The following CA10 variants were observed in gnomAD, a reference collection of about 807,000 sequenced individuals.
CA10 encodes carbonic anhydrase 10 (inactive).
CA10 carries 14 observed loss-of-function variants against 44.2 expected under a neutral mutation model. That is an observed-to-expected ratio of 0.32 (90% CI 0.21 to 0.50). The LOEUF (loss-of-function observed/expected upper bound fraction) is 0.50, where lower values mean the gene tolerates loss of function less well. CA10 is among the 20% of genes least tolerant of loss of function. The probability of loss-of-function intolerance (pLI) is 0.99; values close to 1 mark genes in which losing one functional copy is unlikely to be tolerated. For synonymous variants in CA10, 159 were observed against 141.6 expected (o/e 1.12, Z -0.87); for missense variants, 350 against 409.7 (o/e 0.85, Z 1.26).
At chr17:51,951,881 T>C (rs989011971) in intron 2 of CA10, among the ~76,000 whole-genome samples, 1 of 152,152 alleles carries the variant, frequency 6.6e-6, no homozygotes, top group African/African-American at 2.4e-5. Context: ...GGAGGAAACA[T>C]TCTGTACACA....
intron 3 of CA10, among the ~76,000 whole-genome samples, chr17:51,822,370 C>T (rs1907841582): frequency 6.6e-6 from 1 of 152,042 alleles, no homozygotes; most frequent in South Asian, 2.1e-4. Context: ...GAGCCAGGAT[C>T]CACCACTGCA....
rs529798070 is a variant in CA10 at position 51,759,709 on chromosome 17, C to T, written c.280-11891G>A. Among the ~76,000 whole-genome samples, 6 of 152,122 alleles carry T rather than the reference C, an allele frequency of 3.9e-5. No individual in the cohort carries two copies. The East Asian group carries it at 1.2e-3, about 29-fold the overall frequency. ...GAGGTGGGACTCAGGAATCTGATGT[C>T]TTCCTCTCCTGAGCTTCCTTTGATG... On this transcript the variant is annotated intron_variant, in intron 3 of 8. Coordinates refer to ENST00000451037, the MANE Select transcript of CA10 (RefSeq NM_020178.5).
intron 2 of CA10, among the ~76,000 whole-genome samples, chr17:51,956,184 G>A (rs999698376): frequency 4.6e-5 from 7 of 151,610 alleles, no homozygotes; most frequent in Non-Finnish European, 7.4e-5. Flanking sequence ...TTTTTTTAAA[G>A]ATATAAAACA....
At chr17:51,913,121 CCGTGCACAGGG>C (rs1981854959) in intron 3 of CA10, among the ~76,000 whole-genome samples, 1 of 152,096 alleles carries the variant, frequency 6.6e-6, no homozygotes, top group South Asian at 2.1e-4. Flanking sequence ...AATTTCTTTC[CCGTGCACAGGG>C]AGTTAAGTCG....
At chr17:51,724,048 G>C (rs1270848140) in intron 4 of CA10, among the ~76,000 whole-genome samples, 3 of 152,138 alleles carry the variant, frequency 2.0e-5, no homozygotes, top group Non-Finnish European at 4.4e-5. Context: ...GGAGGATGAG[G>C]GGGGACTGGA....
chr17:51,654,383 A>G (rs1415841243), intron 4 of CA10, among the ~76,000 whole-genome samples: 1 of 152,212 alleles, frequency 6.6e-6, no homozygotes, highest in Non-Finnish European at 1.5e-5. Context: ...GTGTATAAAC[A>G]TACATATATG....
intron 2 of CA10, among the ~76,000 whole-genome samples, chr17:51,969,870 C>A (rs769724485): frequency 1.1e-4 from 16 of 151,956 alleles, no homozygotes; most frequent in Non-Finnish European, 2.4e-4. Context: ...AAAAATTATG[C>A]TCTGAGAAAC....
chr17:51,717,181 C>T (rs1272221921), intron 4 of CA10, among the ~76,000 whole-genome samples: 1 of 151,964 alleles, frequency 6.6e-6, no homozygotes, highest in Non-Finnish European at 1.5e-5. Context: ...CTCCGAATAC[C>T]CCTGTAGACA....
intron 5 of CA10, among the ~76,000 whole-genome samples, chr17:51,650,344 T>C (rs148017873): frequency 7.5e-4 from 114 of 152,342 alleles, no homozygotes; most frequent in African/African-American, 2.3e-3. Flanking sequence ...CACATCAACA[T>C]TTTAAATCTG....
intron 3 of CA10, among the ~76,000 whole-genome samples, chr17:51,928,026 A>G (rs564713024): frequency 1.3e-5 from 2 of 152,280 alleles, no homozygotes; most frequent in Admixed American, 6.5e-5. Context: ...CCATTTGTAA[A>G]AATACAATTA....
chr17:52,135,593 C>T (rs1989339469), intron 1 of CA10, among the ~76,000 whole-genome samples: 1 of 152,138 alleles, frequency 6.6e-6, no homozygotes, highest in South Asian at 2.1e-4. Context: ...TTCCCTTTAC[C>T]TCTCCCTTGA....
At chr17:51,912,700 T>G (rs1409974777) in intron 3 of CA10, among the ~76,000 whole-genome samples, 1 of 152,180 alleles carries the variant, frequency 6.6e-6, no homozygotes, top group Non-Finnish European at 1.5e-5. Context: ...AATATTTTCA[T>G]CCATTATAAG....
At chr17:51,644,890 C>T (rs1913255793) in intron 6 of CA10, among the ~76,000 whole-genome samples, 1 of 151,520 alleles carries the variant, frequency 6.6e-6, no homozygotes, top group African/African-American at 2.4e-5. Context: ...CCTCCGCCTC[C>T]CGGGTTCAAG....
chr17:51,958,519 T>C (rs1228898448), intron 2 of CA10, among the ~76,000 whole-genome samples: 2 of 152,282 alleles, frequency 1.3e-5, no homozygotes, highest in African/African-American at 4.8e-5. Flanking sequence ...GAAGGGAAAC[T>C]TAAAGGCAAG....
chr17:51,887,501 A>G (rs1403927078), intron 3 of CA10, among the ~76,000 whole-genome samples: 1 of 152,234 alleles, frequency 6.6e-6, no homozygotes. Context: ...TTATGGGAAC[A>G]GCAAAGTCTT....
chr17:52,134,850 G>C (rs1057171217), intron 1 of CA10: 1 of 518,752 alleles, frequency 1.9e-6, no homozygotes, highest in African/African-American at 1.9e-5. Flanking sequence ...CCATGCATGA[G>C]CCAGAACCCT....
intron 4 of CA10, among the ~76,000 whole-genome samples, chr17:51,735,571 A>C (rs1480050627): frequency 1.3e-5 from 2 of 152,086 alleles, no homozygotes; most frequent in African/African-American, 4.8e-5. Context: ...AAAAATGTGA[A>C]CCACAGATGA....
chr17:51,665,111 A>G (rs1914160631), intron 4 of CA10, among the ~76,000 whole-genome samples: 1 of 152,206 alleles, frequency 6.6e-6, no homozygotes, highest in Admixed American at 6.5e-5. Context: ...CATCTATTAG[A>G]TAACAGAGGA....
intron 3 of CA10, among the ~76,000 whole-genome samples, chr17:51,875,478 A>G (rs1980028716): frequency 6.6e-6 from 1 of 152,214 alleles, no homozygotes; most frequent in Non-Finnish European, 1.5e-5. Flanking sequence ...AGCTCTGTTT[A>G]CAGCTCACAG....
Sources: gnomAD v4.1 joint callset for allele counts (sites outside exome capture counted in the v4.1 genomes callset) on GRCh38, gnomAD v4.1.1 for gene constraint, MANE v1.5 for transcripts, NCBI Gene and HGNC (gene_info 2026-07-23, HGNC 2026-07-21) for gene names.